The following KIAA1217 variants were observed in gnomAD, a reference collection of about 807,000 sequenced individuals.
The protein encoded by KIAA1217 is KIAA1217.
In KIAA1217, 88 loss-of-function variants were observed where a neutral mutation model predicts 163.9. The ratio of observed to expected loss-of-function variants is 0.54; its 90% confidence interval spans 0.45 to 0.64. The LOEUF is 0.64. Among genes scored for constraint, KIAA1217 ranks in the 30% least tolerant of loss-of-function variants. KIAA1217 has a pLI of 0.00. For missense variants in KIAA1217, 2,372 were observed against 2,475.0 expected, an observed-to-expected ratio of 0.96 and a Z score of 0.88; for synonymous variants, 903 against 923.1, an observed-to-expected ratio of 0.98 and a Z score of 0.39.
intron 1 of KIAA1217, among the ~76,000 whole-genome samples, chr10:23,924,436 T>C (rs1296608017): frequency 6.6e-6 from 1 of 152,182 alleles, no homozygotes; most frequent in African/African-American, 2.4e-5. Flanking sequence ...TGTAGGATTT[T>C]TAAATGCCTC....
intron 2 of KIAA1217, among the ~76,000 whole-genome samples, chr10:24,108,197 G>T (rs1434243680): frequency 6.6e-6 from 1 of 152,194 alleles, no homozygotes; most frequent in Non-Finnish European, 1.5e-5. Flanking sequence ...GTTTATAATG[G>T]AAAGAAATCA....
At chr10:24,495,310 G>T in intron 8 of KIAA1217, 114 bp downstream of exon 8, 1 of 788,682 alleles carries the variant, frequency 1.3e-6, no homozygotes, top group Non-Finnish European at 2.1e-6. Flanking sequence ...ATGATGTCAG[G>T]GGATTCCTAG....
At chr10:24,404,698 G>T (rs1424535315) in intron 3 of KIAA1217, among the ~76,000 whole-genome samples, 1 of 151,306 alleles carries the variant, frequency 6.6e-6, no homozygotes, top group African/African-American at 2.4e-5. Context: ...AATATTACTA[G>T]CAGCTTTGTT....
chr10:23,739,590 C>T (rs943440017), intron 1 of KIAA1217, among the ~76,000 whole-genome samples: 6 of 152,068 alleles, frequency 3.9e-5, no homozygotes, highest in South Asian at 4.2e-4. Context: ...TGAAAAGGTC[C>T]GGCAGGGCTT....
chr10:24,384,124 G>GT (rs1473670475), intron 3 of KIAA1217, among the ~76,000 whole-genome samples: 2 of 152,162 alleles, frequency 1.3e-5, no homozygotes, highest in African/African-American at 4.8e-5. Flanking sequence ...ACTTTGAGCT[G>GT]TAACCCCCCT....
rs1470604086 is a variant in KIAA1217, at chr10:24,547,582, C to A, written c.*1258C>A. The A allele has an allele frequency of 6.6e-6, 1 of 152,184 alleles. No homozygotes were observed. Among genetic ancestry groups the A allele is most frequent in the Non-Finnish European group, 1.5e-5 (1 of 68,038 alleles). The allele number at this position is 152,184 out of a possible 1,614,324, so 9.4% of individuals were successfully genotyped here. A position where few individuals can be genotyped will look rare whatever the true frequency, so the allele number is the denominator to read the frequency against. ...TGTTTTTCCGCTTTGAGGGATGTAA[C>A]CACATCCACTCAGAGGACACTACTT... On this transcript the variant is annotated 3_prime_UTR_variant, in exon 21 of 21. Transcript: ENST00000376454.
intron 1 of KIAA1217, among the ~76,000 whole-genome samples, chr10:23,988,025 A>G (rs1413703988): frequency 6.6e-6 from 1 of 151,408 alleles, no homozygotes; most frequent in Non-Finnish European, 1.5e-5. Flanking sequence ...TGAATATTTA[A>G]AAGTGTTTTT....
At position 24,457,194 on chromosome 10, in the gene KIAA1217, A is replaced by G. The variant is rs983561526; in HGVS notation, c.847-16034A>G. Among the ~76,000 whole-genome samples, 3 of 152,162 alleles carry G rather than the reference A, an allele frequency of 2.0e-5. No individual in the cohort carries two copies. The South Asian group carries it at 6.2e-4, about 32-fold the overall frequency. On this transcript the variant is annotated intron_variant, in intron 5 of 20. Transcript: ENST00000376454. ...TCTAACGTTGCTTTTCTGAAAAGTA[A>G]AGATAATGCAAAGATAAAAAGAGTT... is the stretch of plus-strand genomic sequence containing the variant.
At chr10:24,450,335 T>A (rs915550412) in intron 5 of KIAA1217, among the ~76,000 whole-genome samples, 3 of 152,212 alleles carry the variant, frequency 2.0e-5, no homozygotes, top group African/African-American at 7.2e-5. Flanking sequence ...GTTTAATCTG[T>A]ATGAAATCAC....
chr10:23,708,873 A>G (rs1324722613), intron 1 of KIAA1217, among the ~76,000 whole-genome samples: 1 of 152,142 alleles, frequency 6.6e-6, no homozygotes, highest in East Asian at 1.9e-4. Flanking sequence ...AGTCTGTGGA[A>G]GGTGAAGTGG....
intron 2 of KIAA1217, among the ~76,000 whole-genome samples, chr10:24,190,516 G>A (rs561556858): frequency 1.5e-4 from 23 of 152,244 alleles, no homozygotes; most frequent in African/African-American, 5.1e-4. Context: ...CTAAATTCCC[G>A]TGGGCTTTAG....
intron 5 of KIAA1217, among the ~76,000 whole-genome samples, chr10:24,467,789 T>C (rs894832374): frequency 6.8e-6 from 1 of 146,958 alleles, no homozygotes; most frequent in Non-Finnish European, 1.5e-5. Flanking sequence ...GCAACTCGTA[T>C]GTGTGTATGT....
chr10:24,053,020 A>G (rs930130308), intron 2 of KIAA1217, among the ~76,000 whole-genome samples: 3 of 152,176 alleles, frequency 2.0e-5, no homozygotes, highest in African/African-American at 7.2e-5. Context: ...TAGCAAGTTA[A>G]CTATTATGGT....
intron 2 of KIAA1217, among the ~76,000 whole-genome samples, chr10:24,031,040 C>G (rs1488944911): frequency 1.3e-5 from 2 of 152,058 alleles, no homozygotes; most frequent in Non-Finnish European, 2.9e-5. Flanking sequence ...GGGGGTATAT[C>G]CCGACAAATG....
chr10:23,727,611 T>G (rs1209506293), intron 1 of KIAA1217, among the ~76,000 whole-genome samples: 1 of 152,164 alleles, frequency 6.6e-6, no homozygotes, highest in African/African-American at 2.4e-5. Flanking sequence ...TTATATTTTT[T>G]TCATTTAATA....
At chr10:23,835,365 A>AT (rs138808738) in intron 1 of KIAA1217, among the ~76,000 whole-genome samples, 342 of 151,222 alleles carry the variant, frequency 2.3e-3, no homozygotes, top group African/African-American at 7.5e-3. Flanking sequence ...AAATGGAGTG[A>AT]TTTTTTTTTG....
intron 2 of KIAA1217, chr10:24,275,688 T>C: frequency 1.9e-6 from 1 of 514,144 alleles, no homozygotes; most frequent in South Asian, 1.4e-5. Context: ...CAGGCAAGAT[T>C]GATGCTGTTG....
At chr10:23,995,144 G>A (rs1281682264) in intron 1 of KIAA1217, among the ~76,000 whole-genome samples, 2 of 152,160 alleles carry the variant, frequency 1.3e-5, no homozygotes, top group Non-Finnish European at 2.9e-5. Flanking sequence ...CGTGTGCCAA[G>A]CATTGCCCTG....
intron 2 of KIAA1217, among the ~76,000 whole-genome samples, chr10:24,065,122 T>G (rs1380616840): frequency 6.6e-6 from 1 of 152,106 alleles, no homozygotes; most frequent in Non-Finnish European, 1.5e-5. Flanking sequence ...TTTTGAAGGG[T>G]TTTTTGTGTC....
Sources: allele counts gnomAD v4.1 joint callset (sites outside exome capture counted in the v4.1 genomes callset), GRCh38; gene constraint gnomAD v4.1.1; transcripts MANE v1.5; gene names NCBI Gene and HGNC (gene_info 2026-07-23, HGNC 2026-07-21).